BBS7: variants seen among roughly 807,000 people sequenced by gnomAD.
BBS7 encodes Bardet-Biedl syndrome 7.
Under a neutral mutation model 90.3 loss-of-function variants are expected in BBS7, and 50 were observed. The ratio of observed to expected loss-of-function variants is 0.55; its 90% CI spans 0.44 to 0.70. The LOEUF (loss-of-function observed/expected upper bound fraction) is 0.70. BBS7 is among the 30% of genes least tolerant of loss of function. The pLI, the probability that BBS7 is intolerant of heterozygous loss-of-function variation, is 0.00. For synonymous variants in BBS7, 235 were observed against 287.4 expected (o/e 0.82, Z 1.85); for missense variants, 729 against 838.9 (o/e 0.87, Z 1.62).
intron 13 of BBS7, among the ~76,000 whole-genome samples, chr4:121,839,054 G>A (rs1674025874): frequency 6.6e-6 from 1 of 151,976 alleles, no homozygotes; most frequent in Non-Finnish European, 1.5e-5. Context: ...AAAAAAGAGA[G>A]TACCTATCTT....
At chr4:121,826,030 A>G in intron 18 of BBS7, 37 bp from the exon 19 acceptor site, 1 of 1,521,540 alleles carries the variant, frequency 6.6e-7, no homozygotes, top group Non-Finnish European at 9.1e-7. Flanking sequence ...GTCAGTGATT[A>G]GTTATATTTA....
At chr4:121,849,850 ACATAAAG>A (rs1220693040) in intron 8 of BBS7, among the ~76,000 whole-genome samples, 1 of 152,142 alleles carries the variant, frequency 6.6e-6, no homozygotes, top group Non-Finnish European at 1.5e-5. Flanking sequence ...AAAAAAAATT[ACATAAAG>A]CAAAAAGCAA....
At chr4:121,849,691 G>T (rs377458986) in intron 8 of BBS7, among the ~76,000 whole-genome samples, 1 of 152,076 alleles carries the variant, frequency 6.6e-6, no homozygotes, top group South Asian at 2.1e-4. Context: ...TTAGCCGGGC[G>T]TGGTGGCGCG....
intron 6 of BBS7, 184 bp downstream of exon 6, chr4:121,855,305 C>T (rs1726548908): frequency 3.5e-6 from 2 of 572,940 alleles, no homozygotes; most frequent in South Asian, 1.7e-5. Context: ...GAGACCCTGC[C>T]CCCCAGCCCC....
In BBS7 at chr4:121,855,488, C is replaced by T. The variant is rs1272877615; in HGVS notation, c.601+1G>A. ...TTTGTGAAAAATAAAATCCTGATTA[C>T]CGCCATTTCCATTGTGTAGTGCTAA... On this transcript the variant is annotated splice_donor_variant, in intron 6 of 18. Coordinates refer to ENST00000264499, the MANE Select transcript of BBS7 (RefSeq NM_176824.3). LOFTEE classifies it high-confidence loss of function. 4 of 1,612,360 alleles carry T rather than the reference C, an allele frequency of 2.5e-6. No homozygotes were observed. The African/African-American group carries it at 4.0e-5, about 16-fold the overall frequency.
rs1418988571 is a variant in BBS7 at position 121,845,673 on chromosome 4, T to C, written c.1061A>G (p.Tyr354Cys). The C allele has an allele frequency of 6.2e-7, 1 of 1,613,132 alleles. No homozygotes were observed. The change falls in exon 11 of 19, where the codon TAT (tyrosine) becomes TGT (cysteine). Residue 354 changes from tyrosine to cysteine, a missense_variant. Coordinates refer to ENST00000264499, the MANE Select transcript of BBS7 (RefSeq NM_176824.3). ...SLRNELEHLQYKVLQERENYQ... is the reference protein window; with the variant it reads ...SLRNELEHLQCKVLQERENYQ... ...ATTCTCTCTTTCCTGCAATACCTTA[T>C]ACTGCAAATGTTCCAACTCATTCCT... is the stretch of plus-strand genomic sequence containing the variant.
intron 13 of BBS7, among the ~76,000 whole-genome samples, chr4:121,838,521 T>C (rs1229558502): frequency 2.0e-5 from 3 of 152,140 alleles, no homozygotes; most frequent in Non-Finnish European, 2.9e-5. Context: ...ATTATGAAAA[T>C]GACTATGTCA....
In BBS7 at chr4:121,854,709, C is replaced by T; in HGVS notation, c.713G>A (p.Arg238Lys). The change falls in exon 7 of 19, where the codon AGA (arginine) becomes AAA (lysine). Residue 238 changes from arginine (R) to lysine (K), a missense_variant. Physicochemically the swap from Arg to Lys is conservative, Grantham distance 26. Transcript: ENST00000264499. ...GAACTACATGAAAAGCATACCTCCTCTCTTTTTCTCATTTTGAATTTCCCA... is the reference window on the plus strand; with the variant it reads ...GAACTACATGAAAAGCATACCTCCTTTCTTTTTCTCATTTTGAATTTCCCA... Reference protein sequence around the residue: ...RKWEIQNEKKRGGILCIDSFD... With the variant: ...RKWEIQNEKKKGGILCIDSFD... 6.2e-7 allele frequency: 1 copy of T among 1,611,438 alleles called. No homozygotes were observed. The highest frequency in any genetic ancestry group is 8.5e-7 in the Non-Finnish European group (1 of 1,178,382).
chr4:121,857,267 G>A (rs899580935), intron 5 of BBS7, among the ~76,000 whole-genome samples: 3 of 151,778 alleles, frequency 2.0e-5, no homozygotes, highest in African/African-American at 7.3e-5. Context: ...GGGACTACTG[G>A]CATGCACCAC....
chr4:121,833,104 A>G (rs1725274312), intron 15 of BBS7, 127 bp downstream of exon 15: 12 of 883,136 alleles, frequency 1.4e-5, no homozygotes, highest in Admixed American at 2.7e-5. Context: ...TGATTTTTCA[A>G]TAGATTATCT....
intron 3 of BBS7, 114 bp from the exon 4 acceptor site, chr4:121,861,793 T>C (rs1439301941): frequency 3.0e-6 from 3 of 999,680 alleles, no homozygotes; most frequent in East Asian, 5.2e-5. Flanking sequence ...AGTTCCACTA[T>C]ATAGAAATAA....
rs545808484 is a variant in BBS7 at position 121,868,347 on chromosome 4, A to G, written c.37-301T>C. Among the ~76,000 whole-genome samples, 4 of 152,304 alleles carry G rather than the reference A, an allele frequency of 2.6e-5. No homozygotes were observed. The East Asian group carries it at 7.7e-4, about 29-fold the overall frequency. ...TTCCAACTGCATACAGTTGTTCAGC[A>G]AAGTGATTCAAGAACTTTGAAAATA... On this transcript the variant is annotated intron_variant, in intron 1 of 18. Coordinates refer to ENST00000264499, the MANE Select transcript of BBS7 (RefSeq NM_176824.3).
intron 14 of BBS7, among the ~76,000 whole-genome samples, chr4:121,833,972 A>T (rs1184892145): frequency 1.3e-5 from 2 of 152,194 alleles, no homozygotes; most frequent in Non-Finnish European, 2.9e-5. Flanking sequence ...TAAGACAGGC[A>T]TGGGTTGTTC....
At chr4:121,829,457 C>T (rs1725069674) in intron 15 of BBS7, among the ~76,000 whole-genome samples, 1 of 152,116 alleles carries the variant, frequency 6.6e-6, no homozygotes, top group African/African-American at 2.4e-5. Context: ...AGGATGGTCT[C>T]GATCTCCTGA....
At chr4:121,829,632 T>A (rs1725083548) in intron 15 of BBS7, among the ~76,000 whole-genome samples, 1 of 152,180 alleles carries the variant, frequency 6.6e-6, no homozygotes. Flanking sequence ...ATGGTCTCAG[T>A]CTATTTCTGG....
At chr4:121,857,059 A>C (rs1481313974) in intron 5 of BBS7, among the ~76,000 whole-genome samples, 1 of 151,898 alleles carries the variant, frequency 6.6e-6, no homozygotes, top group Non-Finnish European at 1.5e-5. Context: ...GTGAGCCACC[A>C]CATCAGGACT....
rs1040578678 is a variant in BBS7 at position 121,843,838 on chromosome 4, A to G, written c.1305+89T>C. ...CATAAGAAATAATTGAAAAAGAAAC[A>G]TCAAAACCTAGCAGCATCTATAGAC... On this transcript the variant is annotated intron_variant, in intron 12 of 18. Coordinates refer to ENST00000264499, the MANE Select transcript of BBS7 (RefSeq NM_176824.3). 2.6e-5 allele frequency: 23 copies of G among 880,514 alleles called. No individual in the cohort carries two copies. In the African/African-American group the frequency reaches 3.7e-4, roughly 14 times the overall value. The allele number at this position is 880,514 out of a possible 1,614,324, so 54.5% of individuals were successfully genotyped here. A position where few individuals can be genotyped will look rare whatever the true frequency, so the allele number is the denominator to read the frequency against.
In BBS7 at chr4:121,824,613, A is replaced by AT. The variant is rs1724823465; in HGVS notation, c.*1246dup. 1 of 151,962 alleles carries AT rather than the reference A, an allele frequency of 6.6e-6. No individual in the cohort carries two copies. Among genetic ancestry groups the AT allele is most frequent in the South Asian group, 2.1e-4 (1 of 4,832 alleles). The allele number at this position is 151,962 out of a possible 1,614,324, so 9.4% of individuals were successfully genotyped here. On this transcript the variant is annotated 3_prime_UTR_variant, in exon 19 of 19. Coordinates refer to ENST00000264499, the MANE Select transcript of BBS7 (RefSeq NM_176824.3). The surrounding 1 kb of genome is among the most constrained non-coding windows in gnomAD (Gnocchi z 4.1). The stretch of plus-strand genomic sequence containing the variant: ...CAAATACAGTCATTAATTTTTTTCT[A>AT]TTTTTCCCCAAGCTGTGGCAACCAA...
rs1473205214 is a variant in BBS7, at chr4:121,870,468, C to A, written c.-155G>T. 1.1e-5 allele frequency: 9 copies of A among 783,958 alleles called. No individual in the cohort carries two copies. The highest frequency in any genetic ancestry group is 2.0e-5 in the Non-Finnish European group (9 of 458,324). 48.6% of individuals were successfully genotyped at this position (783,958 alleles called of 1,614,324 possible). ...TAGGTCCTGGGCTGCACAGGCGGGG[C>A]GACAGGGCAGTGGCGTCCTGCGTGA... is the stretch of plus-strand genomic sequence containing the variant. On this transcript the variant is annotated 5_prime_UTR_variant, in exon 1 of 19. Coordinates refer to ENST00000264499, the MANE Select transcript of BBS7 (RefSeq NM_176824.3).
Sources: allele counts gnomAD v4.1 joint callset (sites outside exome capture counted in the v4.1 genomes callset), GRCh38; gene constraint gnomAD v4.1.1; non-coding constraint Gnocchi (gnomAD v3.1); transcripts MANE v1.5; gene names NCBI Gene and HGNC (gene_info 2026-07-23, HGNC 2026-07-21).